Variants in ZBTB40 observed in about 807,000 individuals in gnomAD.
ZBTB40 encodes zinc finger and BTB domain containing 40.
ZBTB40 carries 60 observed loss-of-function variants against 117.5 expected under a neutral mutation model. The observed-to-expected ratio is 0.51, with a 90% CI of 0.41 to 0.63. The LOEUF (loss-of-function observed/expected upper bound fraction) is 0.63, where lower values mean the gene tolerates loss of function less well. Among genes scored for constraint, ZBTB40 ranks in the 30% least tolerant of loss-of-function variants. The pLI is 0.00. For synonymous variants in ZBTB40, 525 were observed against 577.1 expected (o/e 0.91, Z 1.29); for missense variants, 1,287 against 1,498.5 (o/e 0.86, Z 2.33).
intron 16 of ZBTB40, among the ~76,000 whole-genome samples, chr1:22,522,945 CTTTT>C (rs34232963): frequency 6.4e-5 from 6 of 93,908 alleles, no homozygotes; most frequent in Non-Finnish European, 1.2e-4. Flanking sequence ...TAAGATGTAC[CTTTT>C]TTTTTTTTTT....
chr1:22,473,900 G>C (rs1011617740), intron 1 of ZBTB40, among the ~76,000 whole-genome samples: 35 of 152,110 alleles, frequency 2.3e-4, no homozygotes, highest in Non-Finnish European at 4.7e-4. Flanking sequence ...TATTAGCTCT[G>C]TGGCCCTTAA....
At position 22,446,828 on chromosome 1, in the gene ZBTB40, C is replaced by T. The variant is rs1250677736; in HGVS notation, c.-70+17814C>T. Among the ~76,000 whole-genome samples the T allele has an allele frequency of 3.3e-5, 5 of 152,094 alleles. No individual in the cohort carries two copies. The South Asian group carries it at 6.2e-4, about 19-fold the overall frequency. ...AAAATTATATAGGTTAGAGGCTGGT[C>T]GCGGTGGCTCACGCCTGTAACCCCA... On this transcript the variant is annotated intron_variant, in intron 1 of 8. Transcript: ENST00000650433.
chr1:22,515,461 C>G (rs35531232), intron 12 of ZBTB40, among the ~76,000 whole-genome samples: 2,818 of 152,300 alleles, frequency 0.019, 93 homozygotes, highest in African/African-American at 0.063. Context: ...CAAGATGGGT[C>G]TTGTGAGGCT....
chr1:22,507,483 C>T (rs947834357), intron 6 of ZBTB40, among the ~76,000 whole-genome samples: 2 of 152,268 alleles, frequency 1.3e-5, no homozygotes, highest in South Asian at 2.1e-4. Flanking sequence ...TAATTATCTG[C>T]AAAGCTAAGA....
chr1:22,504,958 T>C (rs1003576165), intron 5 of ZBTB40, among the ~76,000 whole-genome samples: 1 of 152,248 alleles, frequency 6.6e-6, no homozygotes, highest in Admixed American at 6.5e-5. Context: ...TTATGATTTA[T>C]TTAGTAGAAA....
At chr1:22,441,239 A>G (rs1640727793) in intron 1 of ZBTB40, among the ~76,000 whole-genome samples, 1 of 152,048 alleles carries the variant, frequency 6.6e-6, no homozygotes, top group African/African-American at 2.4e-5. Context: ...TATACATTTC[A>G]TCTAGGTTAT....
chr1:22,430,554 C>T (rs1483424678), intron 1 of ZBTB40, among the ~76,000 whole-genome samples: 2 of 152,208 alleles, frequency 1.3e-5, no homozygotes, highest in Non-Finnish European at 2.9e-5. Context: ...TCACTGCAGC[C>T]TCAACCTCCC....
chr1:22,451,125 TG>T (rs1176306174), upstream of ZBTB40, among the ~76,000 whole-genome samples: 1 of 152,132 alleles, frequency 6.6e-6, no homozygotes, highest in Non-Finnish European at 1.5e-5. Flanking sequence ...ATCCCAAAAT[TG>T]GGAGGTGCGA....
intron 17 of ZBTB40, among the ~76,000 whole-genome samples, chr1:22,524,926 G>A (rs950712692): frequency 2.0e-5 from 3 of 152,202 alleles, no homozygotes; most frequent in Non-Finnish European, 4.4e-5. Flanking sequence ...GCTTCCCTTT[G>A]CTTCCCAGAT....
Position 22,517,478 on chromosome 1 carries a change from G to A in ZBTB40, c.2833+14G>A. On this transcript the variant is annotated intron_variant, in intron 13 of 17. Coordinates refer to ENST00000375647, the MANE Select transcript of ZBTB40 (RefSeq NM_014870.4). The stretch of plus-strand genomic sequence containing the variant: ...ACACCTTTCACAGTATGTAGAGACT[G>A]TGGATCTCAAGCCCTCAGTGCCAGC... 3 of 1,607,956 alleles carry A rather than the reference G, an allele frequency of 1.9e-6. No individual in the cohort carries two copies. Among genetic ancestry groups the A allele is most frequent in the Non-Finnish European group, 2.6e-6 (3 of 1,175,878 alleles).
At position 22,490,529 on chromosome 1, in the gene ZBTB40, A is replaced by C; in HGVS notation, c.581A>C (p.Gln194Pro). 1 of 1,611,140 alleles carries C rather than the reference A, an allele frequency of 6.2e-7. No homozygotes were observed. Among genetic ancestry groups the C allele is most frequent in the Non-Finnish European group, 8.5e-7 (1 of 1,178,458 alleles). ...ATGAGTGTGAATTCTCCCACAGCCCAGGAGAGCCAGAGGAATGCAGAAACC... is the reference window on the plus strand; with the variant it reads ...ATGAGTGTGAATTCTCCCACAGCCCCGGAGAGCCAGAGGAATGCAGAAACC... ...QEMSVNSPTA[Q>P]ESQRNAETPA... Residue 194 changes from glutamine to proline, a missense_variant, in exon 2 of 18, where the codon CAG becomes CCG. Coordinates refer to ENST00000375647, the MANE Select transcript of ZBTB40 (RefSeq NM_014870.4).
At chr1:22,435,387 C>T (rs1369841601) in intron 1 of ZBTB40, among the ~76,000 whole-genome samples, 1 of 152,146 alleles carries the variant, frequency 6.6e-6, no homozygotes, top group African/African-American at 2.4e-5. Context: ...CCATTTTTCT[C>T]TTCTAACTGG....
intron 1 of ZBTB40, among the ~76,000 whole-genome samples, chr1:22,478,453 T>C (rs1371316100): frequency 1.3e-5 from 2 of 152,108 alleles, no homozygotes; most frequent in African/African-American, 2.4e-5. Flanking sequence ...TTCACCGTGT[T>C]AGCCAGGATG....
At chr1:22,467,180 A>C (rs1641276297) in intron 1 of ZBTB40, among the ~76,000 whole-genome samples, 1 of 152,204 alleles carries the variant, frequency 6.6e-6, no homozygotes, top group South Asian at 2.1e-4. Flanking sequence ...CATAAACATT[A>C]ACATTTTTTT....
rs754730423 is a variant in ZBTB40, at chr1:22,502,259, A to T, written c.1025-40A>T. On this transcript the variant is annotated intron_variant, in intron 4 of 17. Coordinates refer to ENST00000375647, the MANE Select transcript of ZBTB40 (RefSeq NM_014870.4). Reference sequence around the variant, plus strand: ...CCATGCTGTCATTTTCTTCAAATTGACTAGCTTCTCTTGTGTGTCTCTAAC... The same window carrying T: ...CCATGCTGTCATTTTCTTCAAATTGTCTAGCTTCTCTTGTGTGTCTCTAAC... 4 of 1,599,586 alleles carry T rather than the reference A, an allele frequency of 2.5e-6. No homozygotes were observed. The Admixed American group carries it at 7.0e-5, about 28-fold the overall frequency.
In ZBTB40 at chr1:22,490,573, A is replaced by G. The variant is rs761625813; in HGVS notation, c.625A>G (p.Thr209Ala). The G allele has an allele frequency of 3.1e-6, 5 of 1,614,130 alleles. No homozygotes were observed. Among genetic ancestry groups the G allele is most frequent in the Non-Finnish European group, 4.2e-6 (5 of 1,180,016 alleles). ...NAETPAETPTTAEACSPSPAV... is the reference protein window; with the variant it reads ...NAETPAETPTAAEACSPSPAV... ...AGAAACCCCAGCGGAGACTCCTACT[A>G]CAGCTGAAGCTTGTTCCCCCTCCCC... The change falls in exon 2 of 18, where the codon ACA becomes GCA. Residue 209 changes from threonine (T) to alanine (A), a missense_variant. By Grantham distance (58) the Thr-to-Ala change is moderately conservative. This residue lies in a region of ZBTB40 where 870 missense variants were observed against 934.4 expected (regional missense o/e 0.93). Transcript: ENST00000375647.
Position 22,513,094 on chromosome 1 carries a change from GC to G in ZBTB40, c.2635del (p.Leu879TrpfsTer34). On this transcript the variant is annotated frameshift_variant, in exon 12 of 18. Transcript: ENST00000375647. LOFTEE classifies it high-confidence loss of function. This position sits in a 1 kb window ranked among gnomAD's most constrained non-coding sequence, Gnocchi z 4.9. ...CCTCATGACCTTCACCCAGGCCTCC[GC>G]CCTGGCCTATCACACCAAGAAGAAG... ...HCLMTFTQAS[A>X]LAYHTKKKHS... is the part of the protein sequence containing the mutation. 6.2e-7 allele frequency: 1 copy of G among 1,614,044 alleles called. No homozygotes were observed.
Position 22,526,478 on chromosome 1 carries a change from G to C in ZBTB40, c.*82G>C. 2 of 1,567,520 alleles carry C rather than the reference G, an allele frequency of 1.3e-6. No homozygotes were observed. Among genetic ancestry groups the C allele is most frequent in the South Asian group, 2.2e-5 (2 of 89,186 alleles). Reference sequence around the variant, plus strand: ...GCTTGCCCTTTGCCCTCCATCCCTGGCTGTCCTGAGTGGTGAGCATCTTAG... The same window carrying C: ...GCTTGCCCTTTGCCCTCCATCCCTGCCTGTCCTGAGTGGTGAGCATCTTAG... On this transcript the variant is annotated 3_prime_UTR_variant, in exon 18 of 18. Coordinates refer to ENST00000375647, the MANE Select transcript of ZBTB40 (RefSeq NM_014870.4).
chr1:22,465,600 G>C (rs1641235831), intron 1 of ZBTB40, among the ~76,000 whole-genome samples: 1 of 152,184 alleles, frequency 6.6e-6, no homozygotes, highest in Non-Finnish European at 1.5e-5. Context: ...TGTTCATGGT[G>C]CTTGGGCTCT....
Sources: allele counts gnomAD v4.1 joint callset (sites outside exome capture counted in the v4.1 genomes callset), GRCh38; gene constraint gnomAD v4.1.1; regional missense constraint gnomAD v4.1.1; non-coding constraint Gnocchi (gnomAD v3.1); transcripts MANE v1.5; gene names NCBI Gene and HGNC (gene_info 2026-07-23, HGNC 2026-07-21).